Variants in APBA2 observed in about 807,000 individuals in gnomAD.
APBA2 encodes amyloid-beta A4 precursor protein-binding family A member 2.
APBA2 carries 30 observed loss-of-function variants against 75.0 expected under a neutral mutation model. That is an observed-to-expected ratio of 0.40 (90% confidence interval 0.30 to 0.54). The LOEUF is 0.54. Among genes scored for constraint, APBA2 ranks in the 20% least tolerant of loss-of-function variants. The pLI, the probability that APBA2 is intolerant of heterozygous loss-of-function variation, is 0.49. For missense variants in APBA2, 801 were observed against 1,016.1 expected (o/e 0.79, Z 2.88); for synonymous variants, 444 against 409.6 (o/e 1.08, Z -1.01).
At chr15:28,933,195 A>T (rs1480110230) in intron 2 of APBA2, among the ~76,000 whole-genome samples, 1 of 152,148 alleles carries the variant, frequency 6.6e-6, no homozygotes, top group Non-Finnish European at 1.5e-5. Context: ...ACATTGTTGC[A>T]TCGGGGATTA....
chr15:28,896,467 G>A (rs1303901417), intron 1 of APBA2, among the ~76,000 whole-genome samples: 1 of 152,188 alleles, frequency 6.6e-6, no homozygotes, highest in Non-Finnish European at 1.5e-5. Flanking sequence ...TTTTAGTAGA[G>A]ACAGGGTTTC....
intron 2 of APBA2, among the ~76,000 whole-genome samples, chr15:28,932,960 G>A (rs1257054363): frequency 6.6e-6 from 1 of 152,062 alleles, no homozygotes; most frequent in Non-Finnish European, 1.5e-5. Flanking sequence ...TCTAGGGGCT[G>A]GGAAGTCCAA....
intron 2 of APBA2, among the ~76,000 whole-genome samples, chr15:28,923,762 C>T (rs892139899): frequency 6.6e-6 from 1 of 152,152 alleles, no homozygotes; most frequent in African/African-American, 2.4e-5. Context: ...ATTGAGTAGC[C>T]CCCTGCTTTC....
At chr15:29,051,664 A>G (rs1269669738) in intron 3 of APBA2, among the ~76,000 whole-genome samples, 1 of 152,152 alleles carries the variant, frequency 6.6e-6, no homozygotes, top group Non-Finnish European at 1.5e-5. Context: ...CAGTCTCATA[A>G]CAAGATGTGT....
intron 10 of APBA2, among the ~76,000 whole-genome samples, 198 bp from the exon 11 acceptor site, chr15:29,105,181 G>A (rs1246546614): frequency 2.0e-5 from 3 of 152,216 alleles, no homozygotes; most frequent in East Asian, 3.9e-4. Flanking sequence ...CGCTCACGGT[G>A]GAGTGCTGGT....
At chr15:29,108,094 G>T (rs555473134) in intron 12 of APBA2, among the ~76,000 whole-genome samples, 176 bp from the exon 13 acceptor site, 52 of 152,284 alleles carry the variant, frequency 3.4e-4, no homozygotes, top group African/African-American at 1.3e-3. Context: ...TAAGGGCCAG[G>T]GCGAGGCTTG....
At chr15:29,074,696 T>G (rs1182637496) in intron 4 of APBA2, among the ~76,000 whole-genome samples, 1 of 152,178 alleles carries the variant, frequency 6.6e-6, no homozygotes, top group Non-Finnish European at 1.5e-5. Flanking sequence ...AATCAAAAGA[T>G]AACAAATTTC....
At chr15:28,940,599 T>A (rs2035163404) in intron 2 of APBA2, among the ~76,000 whole-genome samples, 1 of 150,438 alleles carries the variant, frequency 6.6e-6, no homozygotes, top group Admixed American at 6.6e-5. Flanking sequence ...AAACAAAGCC[T>A]CTGGAATCCG....
chr15:29,098,955 C>T (rs1433965434), intron 9 of APBA2, among the ~76,000 whole-genome samples: 2 of 152,108 alleles, frequency 1.3e-5, no homozygotes, highest in Non-Finnish European at 2.9e-5. Context: ...CAGGCCCTCA[C>T]ATACCCTGAT....
intron 6 of APBA2, 58 bp from the exon 7 acceptor site, chr15:29,093,017 G>T: frequency 6.2e-7 from 1 of 1,609,672 alleles, no homozygotes; most frequent in Non-Finnish European, 8.5e-7. Context: ...AGGCATGCAA[G>T]TTCTTTGTTC....
At chr15:29,115,629 T>C (rs2045051777) in intron 14 of APBA2, among the ~76,000 whole-genome samples, 1 of 152,156 alleles carries the variant, frequency 6.6e-6, no homozygotes, top group Admixed American at 6.5e-5. Flanking sequence ...ATGGTGCCTG[T>C]TTCCAGCAGC....
intron 2 of APBA2, among the ~76,000 whole-genome samples, chr15:28,947,085 C>T (rs922120023): frequency 3.3e-5 from 5 of 152,234 alleles, no homozygotes; most frequent in African/African-American, 1.2e-4. Flanking sequence ...CATCGTCCCT[C>T]TTTTCCTGGA....
At chr15:28,961,974 A>G (rs2036495959) in intron 2 of APBA2, among the ~76,000 whole-genome samples, 2 of 152,318 alleles carry the variant, frequency 1.3e-5, no homozygotes, top group South Asian at 4.1e-4. Flanking sequence ...GTTGAGAGAG[A>G]AAAGGCCGGG....
intron 2 of APBA2, among the ~76,000 whole-genome samples, chr15:28,939,599 G>GA (rs1225641069): frequency 6.6e-6 from 1 of 152,096 alleles, no homozygotes; most frequent in Non-Finnish European, 1.5e-5. Flanking sequence ...GTGATAGCAG[G>GA]AATTTGCTTT....
chr15:28,916,067 C>T (rs1429273254), intron 1 of APBA2, among the ~76,000 whole-genome samples: 1 of 152,224 alleles, frequency 6.6e-6, no homozygotes, highest in South Asian at 2.1e-4. Context: ...TTAATACTGC[C>T]CCCGCCTGCG....
chr15:29,113,226 C>T (rs2044837251), intron 13 of APBA2, among the ~76,000 whole-genome samples: 1 of 152,102 alleles, frequency 6.6e-6, no homozygotes, highest in Admixed American at 6.6e-5. Flanking sequence ...ATCTGTTTGG[C>T]GTCACTTTTA....
chr15:29,045,538 T>C (rs2041280946), intron 3 of APBA2, among the ~76,000 whole-genome samples: 1 of 152,152 alleles, frequency 6.6e-6, no homozygotes, highest in African/African-American at 2.4e-5. Flanking sequence ...ACATTCAGTC[T>C]GTAGTGGTCA....
In APBA2 at chr15:29,066,199, A is replaced by G. The variant is rs369069582; in HGVS notation, c.952-8722A>G. Among the ~76,000 whole-genome samples the G allele has an allele frequency of 2.3e-4, 35 of 152,186 alleles. No individual in the cohort carries two copies. In the South Asian group the frequency reaches 6.5e-3, roughly 28 times the overall value. On this transcript the variant is annotated intron_variant, in intron 4 of 14. Transcript: ENST00000683413. ...CCCACTTTTAGATATACTTGTGTTC[A>G]TCTTCGAGAGAGGGAGGTCATCCAG... is the stretch of plus-strand genomic sequence containing the variant.
chr15:29,111,965 C>T (rs1173089309), intron 13 of APBA2, among the ~76,000 whole-genome samples: 1 of 152,154 alleles, frequency 6.6e-6, no homozygotes, highest in Non-Finnish European at 1.5e-5. Context: ...GGGCCCTGGC[C>T]TCTACTTTCA....
Sources: allele counts gnomAD v4.1 joint callset (sites outside exome capture counted in the v4.1 genomes callset), GRCh38; gene constraint gnomAD v4.1.1; transcripts MANE v1.5; gene names NCBI Gene and HGNC (gene_info 2026-07-23, HGNC 2026-07-21).